CDK14: variants seen among roughly 807,000 people sequenced by gnomAD.
CDK14 encodes cyclin dependent kinase 14.
Under a neutral mutation model 60.7 loss-of-function variants are expected in CDK14, and 34 were observed. That is an observed-to-expected ratio of 0.56 (90% CI 0.43 to 0.75). The LOEUF (loss-of-function observed/expected upper bound fraction) is 0.75. Among genes scored for constraint, CDK14 ranks in the 30% least tolerant of loss-of-function variants. The pLI is 0.00. For missense variants in CDK14, 482 were observed against 564.1 expected (o/e 0.85, Z 1.47); for synonymous variants, 197 against 203.7 (o/e 0.97, Z 0.28).
chr7:91,164,100 A>G lies in CDK14; in HGVS notation c.*29-43065A>G, dbSNP rs182591667. On this transcript the variant is annotated intron_variant, in intron 14 of 14. Coordinates refer to ENST00000380050, the MANE Select transcript of CDK14 (RefSeq NM_001287135.2). ...ATAGATGCTTGACAGGGCACGTAGC[A>G]TACAATATTACTTACATAGCAGAAC... 2.6e-5 allele frequency among the ~76,000 whole-genome samples: 4 copies of G among 152,326 alleles called. No homozygotes were observed. In the East Asian group the frequency reaches 5.8e-4, roughly 22 times the overall value.
intron 5 of CDK14, among the ~76,000 whole-genome samples, chr7:90,859,358 T>C (rs886146971): frequency 6.6e-6 from 1 of 152,166 alleles, no homozygotes; most frequent in Non-Finnish European, 1.5e-5. Context: ...ATAACACGAG[T>C]TCACCTTCGT....
chr7:90,844,551 G>A (rs1429754923), intron 5 of CDK14, among the ~76,000 whole-genome samples: 2 of 152,106 alleles, frequency 1.3e-5, no homozygotes, highest in African/African-American at 4.8e-5. Flanking sequence ...AGAATTTCTA[G>A]ATAGAAAATT....
At chr7:90,830,038 T>C (rs1789864714) in intron 5 of CDK14, among the ~76,000 whole-genome samples, 2 of 152,172 alleles carry the variant, frequency 1.3e-5, no homozygotes, top group Admixed American at 1.3e-4. Context: ...TTGGTGGATC[T>C]ACCATTCTGG....
At chr7:91,065,518 G>A (rs886858706) in intron 11 of CDK14, among the ~76,000 whole-genome samples, 2 of 152,160 alleles carry the variant, frequency 1.3e-5, no homozygotes, top group African/African-American at 4.8e-5. Flanking sequence ...CTTTTCTGCT[G>A]TACACAAATA....
chr7:91,058,549 T>A (rs966747065), intron 11 of CDK14, among the ~76,000 whole-genome samples: 1 of 152,224 alleles, frequency 6.6e-6, no homozygotes, highest in African/African-American at 2.4e-5. Flanking sequence ...GGGTTTGTCA[T>A]AGATAGCTTA....
At chr7:90,867,115 T>C (rs1448884060) in intron 6 of CDK14, among the ~76,000 whole-genome samples, 4 of 152,084 alleles carry the variant, frequency 2.6e-5, no homozygotes, top group African/African-American at 9.7e-5. Context: ...GGCAGTTGGG[T>C]CTAATATGTC....
chr7:90,970,244 G>A (rs186160437), intron 9 of CDK14, among the ~76,000 whole-genome samples: 3 of 152,264 alleles, frequency 2.0e-5, no homozygotes, highest in Non-Finnish European at 2.9e-5. Context: ...GGGATTAAAG[G>A]TGTGAGCCAC....
chr7:91,113,404 T>A (rs567308250), intron 13 of CDK14, among the ~76,000 whole-genome samples: 13 of 152,226 alleles, frequency 8.5e-5, no homozygotes, highest in Non-Finnish European at 1.5e-4. Context: ...ATACAGCCTT[T>A]TAAAATTACA....
chr7:91,140,890 CT>C (rs560665178), intron 14 of CDK14, among the ~76,000 whole-genome samples: 1 of 151,162 alleles, frequency 6.6e-6, no homozygotes, highest in Non-Finnish European at 1.5e-5. Flanking sequence ...TTTTTTTGGT[CT>C]TTTTTTTCCA....
intron 6 of CDK14, among the ~76,000 whole-genome samples, 198 bp from the exon 7 acceptor site, chr7:90,899,093 C>T (rs1214605961): frequency 1.3e-4 from 20 of 151,190 alleles, no homozygotes; most frequent in Admixed American, 1.3e-3. Flanking sequence ...AAAACAGAGC[C>T]GAGAGGGAAA....
Position 91,111,067 on chromosome 7 carries a change from A to G in CDK14, c.1155-1475A>G, listed in dbSNP as rs532701832. Among the ~76,000 whole-genome samples the G allele has an allele frequency of 1.2e-3, 185 of 152,308 alleles. 1 individual carries two copies. The highest frequency in any genetic ancestry group is 4.2e-3 in the African/African-American group (173 of 41,570). ...TTCCAGGGAGAGACAGTTAAAACCAATCCATTGATCCATTTTTTTCGTGAA... is the reference window on the plus strand; with the variant it reads ...TTCCAGGGAGAGACAGTTAAAACCAGTCCATTGATCCATTTTTTTCGTGAA... On this transcript the variant is annotated intron_variant, in intron 12 of 14. Coordinates refer to ENST00000380050, the MANE Select transcript of CDK14 (RefSeq NM_001287135.2).
chr7:90,883,419 A>T (rs1183826061), intron 6 of CDK14, among the ~76,000 whole-genome samples: 1 of 152,226 alleles, frequency 6.6e-6, no homozygotes, highest in Non-Finnish European at 1.5e-5. Flanking sequence ...ATCCCTGAGT[A>T]GACCAATAAC....
At chr7:90,845,278 T>G (rs1790430174) in intron 5 of CDK14, among the ~76,000 whole-genome samples, 2 of 152,134 alleles carry the variant, frequency 1.3e-5, no homozygotes, top group African/African-American at 4.8e-5. Context: ...AAACTATGCT[T>G]TCTATATTTT....
At chr7:90,600,505 A>G (rs1156305062) in intron 1 of CDK14, among the ~76,000 whole-genome samples, 2 of 152,228 alleles carry the variant, frequency 1.3e-5, no homozygotes, top group Admixed American at 6.5e-5. Flanking sequence ...AACACCATGT[A>G]TACCATTTCT....
intron 2 of CDK14, among the ~76,000 whole-genome samples, chr7:90,697,498 A>T (rs774962803): frequency 1.3e-5 from 2 of 152,130 alleles, no homozygotes; most frequent in Non-Finnish European, 2.9e-5. Context: ...ATTTGGCCTA[A>T]AAAATCGTTT....
intron 2 of CDK14, among the ~76,000 whole-genome samples, chr7:90,703,989 G>A (rs1332013457): frequency 6.6e-6 from 1 of 152,174 alleles, no homozygotes; most frequent in Admixed American, 6.5e-5. Flanking sequence ...AGCAGGCTGA[G>A]GTGCTGAGTG....
chr7:90,810,985 G>C (rs1042089938), intron 5 of CDK14, among the ~76,000 whole-genome samples: 2 of 152,142 alleles, frequency 1.3e-5, no homozygotes, highest in Non-Finnish European at 2.9e-5. Context: ...ACAAATGGAA[G>C]AATATTCCCT....
At chr7:90,760,220 C>G (rs1672659913) in intron 4 of CDK14, among the ~76,000 whole-genome samples, 1 of 152,122 alleles carries the variant, frequency 6.6e-6, no homozygotes, top group Non-Finnish European at 1.5e-5. Flanking sequence ...GGAAGAAATG[C>G]TATTAATTAA....
chr7:90,777,835 C>T (rs1055525988), intron 4 of CDK14, among the ~76,000 whole-genome samples: 12 of 152,252 alleles, frequency 7.9e-5, no homozygotes, highest in Admixed American at 5.2e-4. Flanking sequence ...TGATCATCCA[C>T]TATGCCTCAG....
Sources: allele counts gnomAD v4.1 joint callset (sites outside exome capture counted in the v4.1 genomes callset), GRCh38; gene constraint gnomAD v4.1.1; transcripts MANE v1.5; gene names NCBI Gene and HGNC (gene_info 2026-07-23, HGNC 2026-07-21).